The following ELMO1 variants were observed in gnomAD, a reference collection of about 807,000 sequenced individuals.
The protein encoded by ELMO1 is engulfment and cell motility protein 1.
Under a neutral mutation model 98.9 loss-of-function variants are expected in ELMO1, and 26 were observed. The observed-to-expected ratio is 0.26, with a 90% confidence interval of 0.19 to 0.36. The LOEUF is 0.36. Among genes scored for constraint, ELMO1 ranks in the 10% least tolerant of loss-of-function variants. The pLI, the probability that ELMO1 is intolerant of heterozygous loss-of-function variation, is 1.00. For synonymous variants in ELMO1, 346 were observed against 346.0 expected, an observed-to-expected ratio of 1.00 and a Z score of 0.00; for missense variants, 627 against 935.2, an observed-to-expected ratio of 0.67 and a Z score of 4.30.
chr7:37,213,389 G>A lies in ELMO1; in HGVS notation c.900C>T (p.Leu300=), dbSNP rs750259255. ...TCCTGTCTTCCAGGAGGTTAAAGGTGAGCACTTGTAGAACATACAGCTGGT... is the reference window on the plus strand; with the variant it reads ...TCCTGTCTTCCAGGAGGTTAAAGGTAAGCACTTGTAGAACATACAGCTGGT... ...MAHQLYVLQV[L]TFNLLEDRMM... is the part of the protein sequence containing the mutation. Residue 300 remains leucine, a synonymous_variant, in exon 12 of 22, where the codon CTC becomes CTT. Coordinates refer to ENST00000310758, the MANE Select transcript of ELMO1 (RefSeq NM_014800.11). 6.8e-6 allele frequency: 11 copies of A among 1,612,786 alleles called. No homozygotes were observed. The highest frequency in any genetic ancestry group is 3.8e-4 in the Middle Eastern group (2 of 5,218).
At chr7:37,010,096 G>A (rs140269083) in intron 16 of ELMO1, among the ~76,000 whole-genome samples, 101 of 152,220 alleles carry the variant, frequency 6.6e-4, no homozygotes, top group African/African-American at 2.3e-3. Flanking sequence ...TAGTGGAGGC[G>A]GAACAGGGCC....
intron 13 of ELMO1, among the ~76,000 whole-genome samples, chr7:37,202,245 G>C (rs920260414): frequency 2.6e-5 from 4 of 152,198 alleles, no homozygotes; most frequent in Middle Eastern, 3.2e-3. Context: ...ATTAATAAGG[G>C]ATATAGGGAA....
chr7:36,874,842 A>C (rs1443323685), intron 19 of ELMO1, among the ~76,000 whole-genome samples: 2 of 152,196 alleles, frequency 1.3e-5, no homozygotes, highest in African/African-American at 4.8e-5. Flanking sequence ...GGGGGATGTA[A>C]GAAGATGTCG....
chr7:37,358,426 C>T lies in ELMO1; in HGVS notation c.-73-15663G>A, dbSNP rs139868904. On this transcript the variant is annotated intron_variant, in intron 1 of 21. Transcript: ENST00000310758. ...ACAGACACACAAATCCCTAGCTAGA[C>T]TGATGAAGGCAATTGTGAAAAAAAT... 3.9e-3 allele frequency among the ~76,000 whole-genome samples: 592 copies of T among 152,266 alleles called. 5 individuals carry two copies. Among genetic ancestry groups the T allele is most frequent in the Non-Finnish European group, 6.3e-3 (427 of 68,016 alleles).
chr7:37,379,384 T>C (rs1352146594), intron 1 of ELMO1, among the ~76,000 whole-genome samples: 1 of 152,118 alleles, frequency 6.6e-6, no homozygotes, highest in Non-Finnish European at 1.5e-5. Flanking sequence ...CACTAAGATC[T>C]TCCTTGAAGG....
intron 6 of ELMO1, among the ~76,000 whole-genome samples, chr7:37,251,384 T>C (rs1394610595): frequency 6.6e-6 from 1 of 152,162 alleles, no homozygotes; most frequent in African/African-American, 2.4e-5. Flanking sequence ...ACAATTAAAC[T>C]CAGGTTTTAA....
intron 6 of ELMO1, among the ~76,000 whole-genome samples, chr7:37,249,928 A>T (rs572447651): frequency 2.6e-5 from 4 of 152,152 alleles, no homozygotes; most frequent in African/African-American, 9.7e-5. Flanking sequence ...AAAAATATTT[A>T]AAAATTAGCC....
chr7:37,378,595 GAAAA>G (rs140634414), intron 1 of ELMO1, among the ~76,000 whole-genome samples: 2 of 147,442 alleles, frequency 1.4e-5, no homozygotes, highest in South Asian at 4.3e-4. Flanking sequence ...TGGTATAAAC[GAAAA>G]AAAAAACTAA....
intron 18 of ELMO1, among the ~76,000 whole-genome samples, 171 bp from the exon 19 acceptor site, chr7:36,878,288 A>G (rs1804134732): frequency 6.6e-6 from 1 of 152,192 alleles, no homozygotes; most frequent in Admixed American, 6.5e-5. Context: ...TTTGACTTTA[A>G]TATTTAGTTA....
intron 1 of ELMO1, among the ~76,000 whole-genome samples, chr7:37,447,714 C>CCACACA (rs3054415): frequency 0.035 from 4,683 of 132,080 alleles, 156 homozygotes; most frequent in African/African-American, 0.08. Flanking sequence ...CGCGCACACA[C>CCACACA]CACACACACA....
At chr7:37,286,666 GA>G (rs2130928317) in intron 4 of ELMO1, among the ~76,000 whole-genome samples, 1 of 152,282 alleles carries the variant, frequency 6.6e-6, no homozygotes, top group Admixed American at 6.5e-5. Context: ...AAGAAGGAGG[GA>G]GAGAAGGGAG....
chr7:37,133,036 T>A, intron 14 of ELMO1, 94 bp downstream of exon 14: 1 of 761,250 alleles, frequency 1.3e-6, no homozygotes, highest in Non-Finnish European at 1.9e-6. Flanking sequence ...AAATATGGGG[T>A]CACTCATCTA....
chr7:37,123,594 T>A (rs181390376), intron 14 of ELMO1, among the ~76,000 whole-genome samples: 1 of 152,148 alleles, frequency 6.6e-6, no homozygotes, highest in African/African-American at 2.4e-5. Flanking sequence ...CAGGAAGACG[T>A]TGAATCTCTG....
chr7:37,177,831 T>C (rs1373992275), intron 13 of ELMO1, among the ~76,000 whole-genome samples: 1 of 152,210 alleles, frequency 6.6e-6, no homozygotes, highest in East Asian at 1.9e-4. Flanking sequence ...AAAATCTGTA[T>C]CTATGTTACT....
chr7:37,244,518 ATTT>A, intron 6 of ELMO1, 127 bp from the exon 7 acceptor site: 1 of 882,732 alleles, frequency 1.1e-6, no homozygotes, highest in Non-Finnish European at 1.7e-6. Context: ...AAGTAAAAGA[ATTT>A]TATCCATTTC....
intron 17 of ELMO1, among the ~76,000 whole-genome samples, chr7:36,891,264 C>A (rs1485421758): frequency 6.6e-6 from 1 of 152,154 alleles, no homozygotes; most frequent in Non-Finnish European, 1.5e-5. Context: ...GCTGAATTGC[C>A]AACACATAGA....
intron 14 of ELMO1, among the ~76,000 whole-genome samples, chr7:37,129,173 G>A (rs1454259485): frequency 1.3e-5 from 2 of 152,024 alleles, no homozygotes; most frequent in East Asian, 1.9e-4. Flanking sequence ...GATGGAAAGA[G>A]GGAAAGGGAA....
chr7:36,967,528 T>C (rs1417573829), intron 16 of ELMO1, among the ~76,000 whole-genome samples: 1 of 152,050 alleles, frequency 6.6e-6, no homozygotes, highest in Non-Finnish European at 1.5e-5. Flanking sequence ...TTGGCCAAAC[T>C]TTGCACTTCT....
At chr7:37,197,436 C>A (rs1792030972) in intron 13 of ELMO1, among the ~76,000 whole-genome samples, 1 of 152,230 alleles carries the variant, frequency 6.6e-6, no homozygotes, top group Non-Finnish European at 1.5e-5. Context: ...ACAGACATGT[C>A]CGAGTCTGGA....
Sources: gnomAD v4.1 joint callset for allele counts (sites outside exome capture counted in the v4.1 genomes callset) on GRCh38, gnomAD v4.1.1 for gene constraint, MANE v1.5 for transcripts, NCBI Gene and HGNC (gene_info 2026-07-23, HGNC 2026-07-21) for gene names.